REPS1: variants seen among roughly 807,000 people sequenced by gnomAD.
The protein encoded by REPS1 is RALBP1 associated Eps domain containing 1.
Under a neutral mutation model 100.9 loss-of-function variants are expected in REPS1, and 39 were observed. The observed-to-expected ratio is 0.39, with a 90% CI of 0.30 to 0.50. The LOEUF (loss-of-function observed/expected upper bound fraction) is 0.50. Ranked by LOEUF, REPS1 falls within the 20% of genes least tolerant of loss-of-function variation. The pLI, the probability that REPS1 is intolerant of heterozygous loss-of-function variation, is 0.86. For synonymous variants in REPS1, 324 were observed against 340.3 expected (o/e 0.95, Z 0.53); for missense variants, 821 against 968.5 (o/e 0.85, Z 2.02).
intron 1 of REPS1, among the ~76,000 whole-genome samples, chr6:138,952,267 T>C (rs1406189902): frequency 6.6e-6 from 1 of 152,236 alleles, no homozygotes; most frequent in Non-Finnish European, 1.5e-5. Flanking sequence ...AAATTGTCCC[T>C]GTTTGCAGGT....
At chr6:138,987,179 G>A (rs9495296) in intron 1 of REPS1, among the ~76,000 whole-genome samples, 61,465 of 152,050 alleles carry the variant, frequency 0.4, 12,977 homozygotes, top group East Asian at 0.68. Flanking sequence ...TGCAGGATCC[G>A]AAAAGCTCTC....
At chr6:138,928,216 G>T (rs546686600) in intron 9 of REPS1, 4 of 152,224 alleles carry the variant, frequency 2.6e-5, no homozygotes, top group South Asian at 2.1e-4. Context: ...GAGGACTAAA[G>T]GAGTTAATAT....
intron 6 of REPS1, 37 bp from the exon 7 acceptor site, chr6:138,943,613 G>A (rs1782409228): frequency 2.8e-6 from 4 of 1,421,586 alleles, no homozygotes; most frequent in Non-Finnish European, 3.9e-6. Flanking sequence ...ATGTTATTCT[G>A]AACTTACGGA....
chr6:138,907,340 G>GTGTGTGT (rs1562506396), intron 19 of REPS1, 155 bp downstream of exon 19: 608 of 489,814 alleles, frequency 1.2e-3, no homozygotes, highest in South Asian at 1.7e-3. Flanking sequence ...GTGTGTGTGT[G>GTGTGTGT]GCGGGGAGGG....
chr6:138,908,012 T>C (rs977598274), intron 18 of REPS1, among the ~76,000 whole-genome samples: 1 of 152,174 alleles, frequency 6.6e-6, no homozygotes, highest in Non-Finnish European at 1.5e-5. Flanking sequence ...AAGTCATTCT[T>C]AGCTCATGGG....
intron 1 of REPS1, among the ~76,000 whole-genome samples, chr6:138,950,373 C>CAGT (rs1369277277): frequency 6.6e-6 from 1 of 152,108 alleles, no homozygotes; most frequent in East Asian, 1.9e-4. Flanking sequence ...CCCAACTACT[C>CAGT]AGGAGGCTGA....
chr6:138,967,476 G>C (rs1784087725), intron 1 of REPS1, among the ~76,000 whole-genome samples: 1 of 152,162 alleles, frequency 6.6e-6, no homozygotes, highest in South Asian at 2.1e-4. Context: ...ACACACAAAA[G>C]TTGAGGTTGA....
At chr6:138,909,012 A>C in intron 17 of REPS1, 196 bp from the exon 18 acceptor site, 1 of 546,458 alleles carries the variant, frequency 1.8e-6, no homozygotes, top group South Asian at 2.2e-5. Flanking sequence ...TTGACACCAC[A>C]ATCATGAATG....
At chr6:138,925,282 G>C (rs536684484) in intron 10 of REPS1, among the ~76,000 whole-genome samples, 2 of 151,978 alleles carry the variant, frequency 1.3e-5, no homozygotes. Context: ...TAGGAGAATC[G>C]GTTGAACCCA....
rs374625826 is a variant in REPS1 at position 138,969,109 on chromosome 6, A to G, written c.153+18421T>C. Among the ~76,000 whole-genome samples the G allele has an allele frequency of 5.2e-4, 79 of 152,272 alleles. 1 individual carries two copies. The South Asian group carries it at 6.0e-3, about 12-fold the overall frequency. ...TGGTTATTATACCTAGTAGCATTAT[A>G]GAAACATCTCATCAAAATCTTCTTT... On this transcript the variant is annotated intron_variant, in intron 1 of 19. Coordinates refer to ENST00000450536, the MANE Select transcript of REPS1 (RefSeq NM_001286611.2).
At chr6:138,922,979 C>A (rs539510092) in intron 10 of REPS1, among the ~76,000 whole-genome samples, 11 of 152,278 alleles carry the variant, frequency 7.2e-5, no homozygotes, top group African/African-American at 2.6e-4. Context: ...ATCTATTATA[C>A]TAACAAATTC....
intron 1 of REPS1, among the ~76,000 whole-genome samples, chr6:138,969,167 C>A (rs910621442): frequency 4.6e-5 from 7 of 151,594 alleles, no homozygotes; most frequent in Non-Finnish European, 8.8e-5. Context: ...AAAATATACA[C>A]TTGGCCCTGG....
Position 138,943,596 on chromosome 6 carries a change from T to A in REPS1, c.917-20A>T, listed in dbSNP as rs368657748. 3.5e-5 allele frequency: 53 copies of A among 1,520,422 alleles called. No individual in the cohort carries two copies. The African/African-American group carries it at 6.9e-4, about 20-fold the overall frequency. 94.2% of individuals were successfully genotyped at this position (1,520,422 alleles called of 1,614,324 possible). ...CAGATCCTGAAATATTAAAACAGTG[T>A]TGTTTAATGTTATTCTGAACTTACG... On this transcript the variant is annotated intron_variant, in intron 6 of 19. Transcript: ENST00000450536.
intron 8 of REPS1, among the ~76,000 whole-genome samples, chr6:138,933,648 G>T (rs115068636): frequency 0.015 from 2,239 of 152,120 alleles, 52 homozygotes; most frequent in African/African-American, 0.051. Flanking sequence ...AGATGTAAAA[G>T]AAATTTGCAA....
At chr6:138,947,691 G>A in intron 2 of REPS1, 99 bp downstream of exon 2, 1 of 1,085,366 alleles carries the variant, frequency 9.2e-7, no homozygotes, top group Admixed American at 2.8e-5. Context: ...GGTCACAAAT[G>A]CCACTATAAG....
At chr6:138,951,835 G>A (rs1331294665) in intron 1 of REPS1, among the ~76,000 whole-genome samples, 4 of 152,160 alleles carry the variant, frequency 2.6e-5, no homozygotes, top group Non-Finnish European at 5.9e-5. Context: ...TTTCTTAGCT[G>A]AGCATCATTC....
At chr6:138,953,812 T>A (rs1347328759) in intron 1 of REPS1, among the ~76,000 whole-genome samples, 3 of 151,944 alleles carry the variant, frequency 2.0e-5, no homozygotes, top group African/African-American at 7.3e-5. Flanking sequence ...CAAATAGAAC[T>A]ACCATATGAT....
In REPS1 at chr6:138,980,694, G is replaced by T. The variant is rs1033171674; in HGVS notation, c.153+6836C>A. ...TTTTTTGTGGGTGGGGCGGGGGGGG[G>T]GGGGAACGGAGACTTGCTCTGTCAC... On this transcript the variant is annotated intron_variant, in intron 1 of 19. Transcript: ENST00000450536. Among the ~76,000 whole-genome samples, 24 of 136,168 alleles carry T rather than the reference G, an allele frequency of 1.8e-4. 2 individuals carry two copies. The highest frequency in any genetic ancestry group is 2.7e-4 in the Non-Finnish European group (17 of 61,964). The allele number at this position is 136,168 out of a possible 152,430, so 89.3% of individuals were successfully genotyped here.
intron 19 of REPS1, among the ~76,000 whole-genome samples, chr6:138,906,871 G>T (rs1779686699): frequency 6.6e-6 from 1 of 152,034 alleles, no homozygotes; most frequent in African/African-American, 2.4e-5. Context: ...TGTAAGACAT[G>T]AGTACCTAAT....
Sources: allele counts gnomAD v4.1 joint callset (sites outside exome capture counted in the v4.1 genomes callset), GRCh38; gene constraint gnomAD v4.1.1; transcripts MANE v1.5; gene names NCBI Gene and HGNC (gene_info 2026-07-23, HGNC 2026-07-21).